The following BLOC1S2 variants were observed in gnomAD, a reference collection of about 807,000 sequenced individuals.
BLOC1S2 encodes the protein biogenesis of lysosome-related organelles complex 1 subunit 2.
Under a neutral mutation model 19.6 loss-of-function variants are expected in BLOC1S2, and 12 were observed. The observed-to-expected ratio is 0.61, with a 90% CI of 0.39 to 0.99. The LOEUF is 0.99. BLOC1S2 is among the 50% of genes least tolerant of loss of function. The pLI is 0.00. For missense variants in BLOC1S2, 142 were observed against 171.0 expected (o/e 0.83, Z 0.95); for synonymous variants, 66 against 64.1 (o/e 1.03, Z -0.14).
At chr10:100,286,366 G>A in intron 1 of BLOC1S2, 153 bp from the exon 2 acceptor site, 1 of 1,458,576 alleles carries the variant, frequency 6.9e-7, no homozygotes, top group South Asian at 1.4e-5. Flanking sequence ...CTGCGTCCCT[G>A]CCCATCTGAC....
intron 4 of BLOC1S2, among the ~76,000 whole-genome samples, chr10:100,278,867 C>T (rs1170323290): frequency 6.6e-6 from 1 of 151,580 alleles, no homozygotes; most frequent in East Asian, 1.9e-4. Context: ...GGGAGGATTG[C>T]TTAAGGCCAT....
intron 4 of BLOC1S2, among the ~76,000 whole-genome samples, chr10:100,277,953 T>C (rs1379461447): frequency 4.6e-5 from 4 of 87,260 alleles, no homozygotes; most frequent in Non-Finnish European, 6.8e-5. Context: ...CGGCCGCCCC[T>C]ACTGGGAAGT....
intron 4 of BLOC1S2, among the ~76,000 whole-genome samples, chr10:100,277,944 G>C (rs1320256460): frequency 3.0e-5 from 3 of 99,042 alleles, no homozygotes; most frequent in African/African-American, 1.3e-4. Flanking sequence ...GCCTCTGCCC[G>C]GCCGCCCCTA....
intron 2 of BLOC1S2, chr10:100,282,941 C>G (rs1029451512): frequency 2.3e-5 from 9 of 398,524 alleles, no homozygotes; most frequent in Admixed American, 4.4e-5. Context: ...TCTCATCCTG[C>G]ACAGCGTCCA....
intron 4 of BLOC1S2, among the ~76,000 whole-genome samples, chr10:100,277,054 T>C (rs1389149886): frequency 1.1e-4 from 16 of 144,750 alleles, no homozygotes; most frequent in Non-Finnish European, 2.0e-4. Context: ...ACCTGGGAAG[T>C]GAGGAGCGCC....
In BLOC1S2 at chr10:100,274,928, A is replaced by C. The variant is rs777332391; in HGVS notation, c.*534T>G. The C allele has an allele frequency of 4.0e-4, 161 of 398,502 alleles. No homozygotes were observed. Among genetic ancestry groups the C allele is most frequent in the Non-Finnish European group, 6.5e-4 (146 of 226,066 alleles). The allele number at this position is 398,502 out of a possible 1,614,324, so 24.7% of individuals were successfully genotyped here. A position where few individuals can be genotyped will look rare whatever the true frequency, so the allele number is the denominator to read the frequency against. ...AGAAGACTCAGCTTGGAATTATTTT[A>C]AGATTTTATGTTATTTGCAATATTA... On this transcript the variant is annotated 3_prime_UTR_variant, in exon 5 of 5. Coordinates refer to ENST00000370372, the MANE Select transcript of BLOC1S2 (RefSeq NM_173809.5).
chr10:100,284,160 T>C (rs1238865995), intron 2 of BLOC1S2, among the ~76,000 whole-genome samples: 2 of 152,238 alleles, frequency 1.3e-5, no homozygotes, highest in Non-Finnish European at 2.9e-5. Context: ...TTGACACTAG[T>C]TCCCAGTAAA....
chr10:100,286,298 T>C (rs916320774), intron 1 of BLOC1S2, 85 bp from the exon 2 acceptor site: 12 of 1,532,234 alleles, frequency 7.8e-6, no homozygotes, highest in Non-Finnish European at 1.1e-5. Context: ...TCCCTCCACT[T>C]GCCTTCATTC....
chr10:100,277,274 C>G, intron 4 of BLOC1S2, among the ~76,000 whole-genome samples: 1 of 151,882 alleles, frequency 6.6e-6, no homozygotes. Context: ...TGGCTGCCAC[C>G]CCGTCTGGGA....
chr10:100,276,887 C>A lies in BLOC1S2; in HGVS notation c.398-1394G>T, dbSNP rs28447125. Among the ~76,000 whole-genome samples the A allele has an allele frequency of 1.9e-3, 276 of 148,120 alleles. 3 individuals carry two copies. Among genetic ancestry groups the A allele is most frequent in the African/African-American group, 6.2e-3 (247 of 39,806 alleles). On this transcript the variant is annotated intron_variant, in intron 4 of 4. Transcript: ENST00000370372. ...CTCCCAGCCGCCTGCCTTGGCCCCC[C>A]CAAAGTGCGGAGATTGCAGCCTCTG...
intron 4 of BLOC1S2, among the ~76,000 whole-genome samples, chr10:100,277,897 C>A (rs1847966537): frequency 8.7e-6 from 1 of 114,678 alleles, no homozygotes; most frequent in African/African-American, 3.6e-5. Context: ...GGTCAGCCCC[C>A]CGCCTGGCCA....
intron 4 of BLOC1S2, among the ~76,000 whole-genome samples, chr10:100,277,656 G>T (rs1222395619): frequency 1.4e-5 from 2 of 138,590 alleles, no homozygotes; most frequent in African/African-American, 5.6e-5. Flanking sequence ...GGAGGGAGGT[G>T]GGGGGCTCAG....
At position 100,273,561 on chromosome 10, in the gene BLOC1S2, G is replaced by A. The variant is rs1252447144; in HGVS notation, c.*1901C>T. Reference sequence around the variant, plus strand: ...TAAAAATAGATCAACATGGCTGGGTGCGGTGGCTCACACCTGTAATCCCAG... The same window carrying A: ...TAAAAATAGATCAACATGGCTGGGTACGGTGGCTCACACCTGTAATCCCAG... On this transcript the variant is annotated 3_prime_UTR_variant, in exon 5 of 5. Transcript: ENST00000370372. The A allele has an allele frequency of 1.3e-5, 2 of 152,126 alleles. No homozygotes were observed. The highest frequency in any genetic ancestry group is 2.9e-5 in the Non-Finnish European group (2 of 68,028). The allele number at this position is 152,126 out of a possible 1,614,324, so 9.4% of individuals were successfully genotyped here.
chr10:100,279,092 G>GA (rs139256211), intron 4 of BLOC1S2, among the ~76,000 whole-genome samples: 13,276 of 143,006 alleles, frequency 0.093, 881 homozygotes, highest in African/African-American at 0.19. Context: ...ATCTCTTATA[G>GA]AAAAAAAAAA....
intron 4 of BLOC1S2, among the ~76,000 whole-genome samples, chr10:100,278,809 TA>T (rs71013437): frequency 6.2e-4 from 86 of 137,702 alleles, no homozygotes; most frequent in East Asian, 1.3e-3. Context: ...GAATGATCAA[TA>T]AAAAAAAAAA....
rs767280532 is a variant in BLOC1S2 at position 100,280,039 on chromosome 10, CATAA to C, written c.397+81_397+84del. Reference sequence around the variant, plus strand: ...GATTAATAGATCACTGTAGGCACACCATAAATGTTAACTATTATGTTTACTAAGA... The same window carrying C: ...GATTAATAGATCACTGTAGGCACACCATGTTAACTATTATGTTTACTAAGA... On this transcript the variant is annotated intron_variant, in intron 4 of 4. Coordinates refer to ENST00000370372, the MANE Select transcript of BLOC1S2 (RefSeq NM_173809.5). 6.2e-5 allele frequency: 62 copies of C among 1,005,748 alleles called. 1 individual carries two copies. The Middle Eastern group carries it at 1.1e-3, about 19-fold the overall frequency. The allele number at this position is 1,005,748 out of a possible 1,614,324, so 62.3% of individuals were successfully genotyped here.
chr10:100,280,285 GAA>G (rs2134359814), intron 3 of BLOC1S2, 57 bp from the exon 4 acceptor site: 1 of 1,407,956 alleles, frequency 7.1e-7, no homozygotes, highest in East Asian at 2.3e-5. Context: ...AAGAATATAG[GAA>G]AAGAGTGGAA....
At chr10:100,284,227 C>A (rs1848179659) in intron 2 of BLOC1S2, among the ~76,000 whole-genome samples, 1 of 152,230 alleles carries the variant, frequency 6.6e-6, no homozygotes, top group Non-Finnish European at 1.5e-5. Flanking sequence ...TTTTAAGAGG[C>A]AGCTGCTCAG....
intron 3 of BLOC1S2, 65 bp downstream of exon 3, chr10:100,280,868 TC>T: frequency 6.6e-7 from 1 of 1,507,028 alleles, no homozygotes. Context: ...CCTCCTCTTC[TC>T]CATGGCCCCA....
Sources: allele counts gnomAD v4.1 joint callset (sites outside exome capture counted in the v4.1 genomes callset), GRCh38; gene constraint gnomAD v4.1.1; transcripts MANE v1.5; gene names NCBI Gene and HGNC (gene_info 2026-07-23, HGNC 2026-07-21).